PRKD1: variants seen among roughly 807,000 people sequenced by gnomAD.
PRKD1 encodes protein kinase D1, also known as serine/threonine-protein kinase D1.
PRKD1 carries 63 observed loss-of-function variants against 95.9 expected under a neutral mutation model. The ratio of observed to expected loss-of-function variants is 0.66; its 90% CI spans 0.54 to 0.81. The LOEUF (loss-of-function observed/expected upper bound fraction) is 0.81, where lower values mean the gene tolerates loss of function less well. Among genes scored for constraint, PRKD1 ranks in the 30% least tolerant of loss-of-function variants. The pLI is 0.00. For synonymous variants in PRKD1, 425 were observed against 423.1 expected (o/e 1.00, Z -0.05); for missense variants, 1,048 against 1,165.3 (o/e 0.90, Z 1.47).
chr14:29,893,718 G>C (rs1299950789), intron 1 of PRKD1, among the ~76,000 whole-genome samples: 3 of 152,270 alleles, frequency 2.0e-5, no homozygotes, highest in South Asian at 2.1e-4. Flanking sequence ...TCGGTTTCTA[G>C]GTTTCAGGTC....
intron 2 of PRKD1, among the ~76,000 whole-genome samples, chr14:29,681,804 G>A (rs1488165365): frequency 1.3e-5 from 2 of 152,128 alleles, no homozygotes; most frequent in African/African-American, 4.8e-5. Context: ...TCACTCTCAT[G>A]GATCATAGCT....
At chr14:29,755,236 C>T (rs1303799865) in intron 1 of PRKD1, among the ~76,000 whole-genome samples, 1 of 152,110 alleles carries the variant, frequency 6.6e-6, no homozygotes, top group African/African-American at 2.4e-5. Context: ...GCTTATCTCT[C>T]CCATTCTGAT....
intron 1 of PRKD1, among the ~76,000 whole-genome samples, chr14:29,777,611 G>A (rs893418419): frequency 3.3e-5 from 5 of 152,154 alleles, no homozygotes; most frequent in African/African-American, 1.2e-4. Context: ...AAATATATAT[G>A]AACCCAATAC....
At chr14:29,633,941 C>G (rs1880195516) in intron 8 of PRKD1, among the ~76,000 whole-genome samples, 1 of 152,220 alleles carries the variant, frequency 6.6e-6, no homozygotes, top group Admixed American at 6.5e-5. Flanking sequence ...ACGTACACAA[C>G]CTCATTCCTC....
At chr14:29,878,341 C>CAAAAAAAAAAAA (rs58074850) in intron 1 of PRKD1, among the ~76,000 whole-genome samples, 3 of 49,840 alleles carry the variant, frequency 6.0e-5, no homozygotes, top group Admixed American at 2.1e-4. Flanking sequence ...GTTCTAATGA[C>CAAAAAAAAAAAA]AAAAAAAAAA....
At chr14:29,662,192 C>CA (rs1882226779) in intron 4 of PRKD1, among the ~76,000 whole-genome samples, 3 of 152,036 alleles carry the variant, frequency 2.0e-5, no homozygotes, top group African/African-American at 7.2e-5. Flanking sequence ...GCATAATTTA[C>CA]AATGTTGTTT....
At chr14:29,884,443 G>A (rs1329492740) in intron 1 of PRKD1, among the ~76,000 whole-genome samples, 1 of 151,908 alleles carries the variant, frequency 6.6e-6, no homozygotes, top group East Asian at 1.9e-4. Context: ...TATTAAAAGG[G>A]ATATAAATTA....
rs1566529328 is a variant in PRKD1, at chr14:29,672,346, A to AAAT, written c.404-6139_404-6138insATT. ...ACAGAGCGAGACTCTGTCTCAAAAA[A>AAAT]AAAATAAAATAAAATAAAATAAAAT... is the stretch of plus-strand genomic sequence containing the variant. On this transcript the variant is annotated intron_variant, in intron 2 of 17. Coordinates refer to ENST00000331968, the MANE Select transcript of PRKD1 (RefSeq NM_002742.3). 8.1e-3 allele frequency among the ~76,000 whole-genome samples: 1,222 copies of AAAT among 151,606 alleles called. 20 individuals carry two copies. The highest frequency in any genetic ancestry group is 0.028 in the African/African-American group (1,149 of 41,176).
At chr14:29,636,203 A>G (rs1880357225) in intron 7 of PRKD1, 87 bp downstream of exon 7, 3 of 1,464,120 alleles carry the variant, frequency 2.0e-6, no homozygotes, top group African/African-American at 2.8e-5. Context: ...CATTTCTACT[A>G]TAATCTATTA....
chr14:29,911,717 T>C (rs113222107), intron 1 of PRKD1, among the ~76,000 whole-genome samples: 4,740 of 152,332 alleles, frequency 0.031, 114 homozygotes, highest in Non-Finnish European at 0.05. Flanking sequence ...CTGTAACAAT[T>C]TACCATAAAC....
chr14:29,653,896 C>T (rs1881671041), intron 4 of PRKD1, among the ~76,000 whole-genome samples: 1 of 152,072 alleles, frequency 6.6e-6, no homozygotes, highest in African/African-American at 2.4e-5. Flanking sequence ...AGCCTTTATT[C>T]TCTCCAACAA....
At chr14:29,920,506 T>A (rs1895062782) in intron 1 of PRKD1, among the ~76,000 whole-genome samples, 1 of 151,934 alleles carries the variant, frequency 6.6e-6, no homozygotes, top group Non-Finnish European at 1.5e-5. Context: ...GTTCTAACAG[T>A]CTGAGTCCAG....
At chr14:29,878,370 A>T (rs1431966905) in intron 1 of PRKD1, among the ~76,000 whole-genome samples, 1 of 150,316 alleles carries the variant, frequency 6.7e-6, no homozygotes, top group Non-Finnish European at 1.5e-5. Context: ...AAACCTACAC[A>T]CGGAATTACC....
In PRKD1 at chr14:29,927,332, G is replaced by A. The variant is rs867424371; in HGVS notation, c.181C>T (p.Pro61Ser). 6.4e-7 allele frequency: 1 copy of A among 1,564,654 alleles called. No homozygotes were observed. The highest frequency in any genetic ancestry group is 8.6e-7 in the Non-Finnish European group (1 of 1,157,468). ...GACGAGTCCTGCAGCAGCAGCACCGGCTCACGGCTCAGGCCGATCTGCAGA... is the reference window on the plus strand; with the variant it reads ...GACGAGTCCTGCAGCAGCAGCACCGACTCACGGCTCAGGCCGATCTGCAGA... ...FHLQIGLSRE[P>S]VLLLQDSSGD... The change falls in exon 1 of 18, where the codon CCG becomes TCG. Residue 61 changes from proline (P) to serine (S), a missense_variant. This residue lies in a region of PRKD1 where 275 missense variants were observed against 248.6 expected (regional missense o/e 1.11). Transcript: ENST00000331968.
intron 1 of PRKD1, among the ~76,000 whole-genome samples, chr14:29,830,305 C>G (rs185693601): frequency 6.6e-6 from 1 of 152,236 alleles, no homozygotes; most frequent in Non-Finnish European, 1.5e-5. Context: ...ACCCTCTATC[C>G]CAGAGTGTGT....
chr14:29,694,219 G>T (rs1262037924), intron 2 of PRKD1, among the ~76,000 whole-genome samples: 1 of 152,154 alleles, frequency 6.6e-6, no homozygotes, highest in Non-Finnish European at 1.5e-5. Flanking sequence ...CAACTATGCA[G>T]AATACAGTAA....
intron 3 of PRKD1, 64 bp from the exon 4 acceptor site, chr14:29,663,923 G>A: frequency 6.8e-7 from 1 of 1,480,870 alleles, no homozygotes; most frequent in East Asian, 2.3e-5. Context: ...TCCAATATTA[G>A]TGTAAAGTAG....
intron 1 of PRKD1, among the ~76,000 whole-genome samples, chr14:29,776,366 G>A (rs113341563): frequency 2.6e-5 from 4 of 152,184 alleles, no homozygotes; most frequent in South Asian, 2.1e-4. Flanking sequence ...GAGGATGTTC[G>A]AACCCATCAC....
chr14:29,687,990 C>T (rs1959432), intron 2 of PRKD1, among the ~76,000 whole-genome samples: 78,884 of 152,084 alleles, frequency 0.52, 23,081 homozygotes, highest in African/African-American at 0.8. Flanking sequence ...AAATAACACA[C>T]ATTTATCACA....
Sources: gnomAD v4.1 joint callset for allele counts (sites outside exome capture counted in the v4.1 genomes callset) on GRCh38, gnomAD v4.1.1 for gene constraint, gnomAD v4.1.1 regional missense constraint, MANE v1.5 for transcripts, NCBI Gene and HGNC (gene_info 2026-07-23, HGNC 2026-07-21) for gene names.